TLR3: variants seen among roughly 807,000 people sequenced by gnomAD.
TLR3 encodes the protein toll like receptor 3.
A neutral mutation model predicts 66.4 loss-of-function variants in TLR3; 43 were observed. That is an observed-to-expected ratio of 0.65 (90% CI 0.51 to 0.83). TLR3 has a LOEUF of 0.83. Among genes scored for constraint, TLR3 ranks in the 40% least tolerant of loss-of-function variants. TLR3 has a pLI of 0.00. For synonymous variants in TLR3, 397 were observed against 397.2 expected, an observed-to-expected ratio of 1.00 and a Z score of 0.01; for missense variants, 982 against 1,044.6, an observed-to-expected ratio of 0.94 and a Z score of 0.83.
chr4:186,080,302 A>C (rs1725213635), intron 3 of TLR3, among the ~76,000 whole-genome samples: 1 of 151,954 alleles, frequency 6.6e-6, no homozygotes, highest in South Asian at 2.1e-4. Context: ...TGATTAAGAC[A>C]TTTATTGTAG....
At chr4:186,073,451 TG>T (rs1441886343) in intron 1 of TLR3, among the ~76,000 whole-genome samples, 2 of 150,978 alleles carry the variant, frequency 1.3e-5, no homozygotes, top group Admixed American at 1.3e-4. Context: ...ACCCAGGAGG[TG>T]GAGACTGCAG....
In TLR3 at chr4:186,084,792, C is replaced by G; in HGVS notation, c.2634C>G (p.Asn878Lys). The G allele has an allele frequency of 3.1e-6, 5 of 1,614,076 alleles. No homozygotes were observed. The highest frequency in any genetic ancestry group is 3.4e-6 in the Non-Finnish European group (4 of 1,180,008). ...RGMFKSHCILNWPVQKERIGA... is the reference protein window; with the variant it reads ...RGMFKSHCILKWPVQKERIGA... ...TGTTTAAATCTCACTGCATCTTGAA[C>G]TGGCCAGTTCAGAAAGAACGGATAG... is the stretch of plus-strand genomic sequence containing the variant. Residue 878 changes from asparagine to lysine, a missense_variant, in exon 5 of 5, where the codon AAC becomes AAG. Coordinates refer to ENST00000296795, the MANE Select transcript of TLR3 (RefSeq NM_003265.3).
chr4:186,084,991 A>G lies in TLR3; in HGVS notation c.*118A>G, dbSNP rs2099304137. On this transcript the variant is annotated 3_prime_UTR_variant, in exon 5 of 5. Coordinates refer to ENST00000296795, the MANE Select transcript of TLR3 (RefSeq NM_003265.3). Reference sequence around the variant, plus strand: ...TGTTTATTCATATTTGTAAATGATTATATTCTATCACAATTACATCTCTTC... The same window carrying G: ...TGTTTATTCATATTTGTAAATGATTGTATTCTATCACAATTACATCTCTTC... 1.2e-6 allele frequency: 1 copy of G among 806,486 alleles called. No individual in the cohort carries two copies. The highest frequency in any genetic ancestry group is 2.4e-5 in the Admixed American group (1 of 41,994). 50.0% of individuals were successfully genotyped at this position (806,486 alleles called of 1,614,324 possible). A position where few individuals can be genotyped will look rare whatever the true frequency, so the allele number is the denominator to read the frequency against.
At chr4:186,073,881 A>G (rs2099301952) in intron 1 of TLR3, among the ~76,000 whole-genome samples, 1 of 151,000 alleles carries the variant, frequency 6.6e-6, no homozygotes, top group African/African-American at 2.4e-5. Flanking sequence ...ACACAATAAT[A>G]AACAGGAAAC....
chr4:186,082,078 A>C, intron 3 of TLR3: 1 of 508,504 alleles, frequency 2.0e-6, no homozygotes, highest in South Asian at 2.3e-5. Flanking sequence ...TACAAAACTT[A>C]GCTGGACGTG....
At chr4:186,069,423 G>A (rs752829886) in intron 1 of TLR3, among the ~76,000 whole-genome samples, 175 bp downstream of exon 1, 2 of 152,136 alleles carry the variant, frequency 1.3e-5, no homozygotes, top group Non-Finnish European at 2.9e-5. Context: ...TATGATATGG[G>A]CATGGGAGAA....
Position 186,085,556 on chromosome 4 carries a change from T to C in TLR3, c.*683T>C, listed in dbSNP as rs986273387. On this transcript the variant is annotated 3_prime_UTR_variant, in exon 5 of 5. Coordinates refer to ENST00000296795, the MANE Select transcript of TLR3 (RefSeq NM_003265.3). ...GAAACAATTCTCTTACTAAAAGTAT[T>C]GTAGGCAGGCTTGCTTTCTGAAGGC... 6.6e-6 allele frequency: 1 copy of C among 152,356 alleles called. No individual in the cohort carries two copies. Among genetic ancestry groups the C allele is most frequent in the Non-Finnish European group, 1.5e-5 (1 of 68,146 alleles). 9.4% of individuals were successfully genotyped at this position (152,356 alleles called of 1,614,324 possible). A position where few individuals can be genotyped will look rare whatever the true frequency, so the allele number is the denominator to read the frequency against.
At position 186,075,943 on chromosome 4, in the gene TLR3, C is replaced by T. The variant is rs899566936; in HGVS notation, c.-7-670C>T. Among the ~76,000 whole-genome samples the T allele has an allele frequency of 2.6e-5, 4 of 152,152 alleles. No homozygotes were observed. In the South Asian group the frequency reaches 6.2e-4, roughly 24 times the overall value. ...GGCTGAAGTGGGCAGATCATGAAGT[C>T]AAGAGATCGAGACCATCCTGGCCAA... On this transcript the variant is annotated intron_variant, in intron 1 of 4. Coordinates refer to ENST00000296795, the MANE Select transcript of TLR3 (RefSeq NM_003265.3).
intron 3 of TLR3, among the ~76,000 whole-genome samples, chr4:186,079,857 G>A (rs1000815483): frequency 2.0e-5 from 3 of 152,228 alleles, no homozygotes; most frequent in Non-Finnish European, 4.4e-5. Context: ...ACAAAGGCTT[G>A]CTGGGGATTT....
chr4:186,080,449 T>C (rs1303680221), intron 3 of TLR3, among the ~76,000 whole-genome samples: 9 of 152,076 alleles, frequency 5.9e-5, no homozygotes, highest in African/African-American at 2.2e-4. Flanking sequence ...TCCAAATAAT[T>C]ATAAGGAAAA....
intron 1 of TLR3, among the ~76,000 whole-genome samples, chr4:186,070,725 G>A (rs1376678205): frequency 6.6e-6 from 1 of 150,708 alleles, no homozygotes; most frequent in African/African-American, 2.4e-5. Context: ...TTTTTTAGAG[G>A]TAAGGTCTTG....
chr4:186,082,625 G>C lies in TLR3; in HGVS notation c.939G>C (p.Leu313Phe), dbSNP rs745576711. 1.2e-6 allele frequency: 2 copies of C among 1,614,080 alleles called. No individual in the cohort carries two copies. The highest frequency in any genetic ancestry group is 1.7e-6 in the Non-Finnish European group (2 of 1,180,010). Reference sequence around the variant, plus strand: ...TAGAGTATAATAATATACAGCATTTGTTTTCTCACTCTTTGCACGGGCTTT... The same window carrying C: ...TAGAGTATAATAATATACAGCATTTCTTTTCTCACTCTTTGCACGGGCTTT... ...FFLEYNNIQH[L>F]FSHSLHGLFN... Residue 313 changes from leucine to phenylalanine, a missense_variant, in exon 4 of 5, where the codon TTG becomes TTC. Leu to Phe is a conservative substitution (Grantham distance 22). This residue lies in a region of TLR3 where 666 missense variants were observed against 709.0 expected (regional missense o/e 0.94). Coordinates refer to ENST00000296795, the MANE Select transcript of TLR3 (RefSeq NM_003265.3).
In TLR3 at chr4:186,084,026, A is replaced by C. The variant is rs1271155817; in HGVS notation, c.2340A>C (p.Glu780Asp). 1 of 1,614,202 alleles carries C rather than the reference A, an allele frequency of 6.2e-7. No individual in the cohort carries two copies. The highest frequency in any genetic ancestry group is 8.5e-7 in the Non-Finnish European group (1 of 1,180,030). The change falls in exon 4 of 5, where the codon GAA becomes GAC. Residue 780 changes from glutamate to aspartate, a missense_variant. Glu to Asp is a conservative substitution (Grantham distance 45). Coordinates refer to ENST00000296795, the MANE Select transcript of TLR3 (RefSeq NM_003265.3). ...AACATTTCTCTTCAATGGAAAAGGA[A>C]GACCAATCTCTCAAATTTTGTCTGG... is the stretch of plus-strand genomic sequence containing the variant. The part of the protein sequence containing the change: ...VWEHFSSMEK[E>D]DQSLKFCLEE...
In TLR3 at chr4:186,082,660, G is replaced by C. The variant is rs1411156074; in HGVS notation, c.974G>C (p.Arg325Thr). Residue 325 changes from arginine (R) to threonine (T), a missense_variant, in exon 4 of 5, where the codon AGG (arginine) becomes ACG (threonine). Arg to Thr is a moderately conservative substitution (Grantham distance 71). Coordinates refer to ENST00000296795, the MANE Select transcript of TLR3 (RefSeq NM_003265.3). ...TCTTTGCACGGGCTTTTCAATGTGAGGTACCTGAATTTGAAACGGTCTTTT... is the reference window on the plus strand; with the variant it reads ...TCTTTGCACGGGCTTTTCAATGTGACGTACCTGAATTTGAAACGGTCTTTT... ...SHSLHGLFNV[R>T]YLNLKRSFTK... The C allele has an allele frequency of 6.2e-7, 1 of 1,613,862 alleles. No individual in the cohort carries two copies. Among genetic ancestry groups the C allele is most frequent in the Non-Finnish European group, 8.5e-7 (1 of 1,179,856 alleles).
At position 186,083,835 on chromosome 4, in the gene TLR3, A is replaced by G. The variant is rs1212841808; in HGVS notation, c.2149A>G (p.Ile717Val). Residue 717 changes from isoleucine to valine, a missense_variant, in exon 4 of 5, where the codon ATC becomes GTC. Ile to Val is a conservative substitution (Grantham distance 29). This residue lies in a region of TLR3 where 666 missense variants were observed against 709.0 expected (regional missense o/e 0.94). Transcript: ENST00000296795. This position sits in a 1 kb window ranked among gnomAD's most constrained non-coding sequence, Gnocchi z 4.0. Reference sequence around the variant, plus strand: ...CAATACCAGTATCCTGTTGATTTTTATCTTTATTGTACTTCTCATCCACTT... The same window carrying G: ...CAATACCAGTATCCTGTTGATTTTTGTCTTTATTGTACTTCTCATCCACTT... ...MINTSILLIF[I>V]FIVLLIHFEG... 1.9e-6 allele frequency: 3 copies of G among 1,613,850 alleles called. No individual in the cohort carries two copies. The highest frequency in any genetic ancestry group is 1.7e-5 in the Admixed American group (1 of 59,970).
rs1453018524 is a variant in TLR3 at position 186,086,698 on chromosome 4, A to G, written c.*1825A>G. On this transcript the variant is annotated 3_prime_UTR_variant, in exon 5 of 5. Transcript: ENST00000296795. ...CTCAAATATTCATAAGATATTTTAAATAAATCATTGTGAATTAGTCAATAT... is the reference window on the plus strand; with the variant it reads ...CTCAAATATTCATAAGATATTTTAAGTAAATCATTGTGAATTAGTCAATAT... 2 of 152,160 alleles carry G rather than the reference A, an allele frequency of 1.3e-5. No homozygotes were observed. The highest frequency in any genetic ancestry group is 3.8e-4 in the East Asian group (2 of 5,206). The allele number at this position is 152,160 out of a possible 1,614,324, so 9.4% of individuals were successfully genotyped here. A position where few individuals can be genotyped will look rare whatever the true frequency, so the allele number is the denominator to read the frequency against.
rs1044583997 is a variant in TLR3 at position 186,085,090 on chromosome 4, A to G, written c.*217A>G. Reference sequence around the variant, plus strand: ...AATTTTACCCAAAATAAAACATATAAGCACGTAAGAACATTGTCTACTGAT... The same window carrying G: ...AATTTTACCCAAAATAAAACATATAGGCACGTAAGAACATTGTCTACTGAT... On this transcript the variant is annotated 3_prime_UTR_variant, in exon 5 of 5. Coordinates refer to ENST00000296795, the MANE Select transcript of TLR3 (RefSeq NM_003265.3). 4.6e-5 allele frequency: 26 copies of G among 565,442 alleles called. No individual in the cohort carries two copies. Among genetic ancestry groups the G allele is most frequent in the Non-Finnish European group, 6.2e-5 (20 of 320,818 alleles). 35.0% of individuals were successfully genotyped at this position (565,442 alleles called of 1,614,324 possible).
chr4:186,082,023 A>G (rs2310393), intron 3 of TLR3: 294,688 of 358,278 alleles, frequency 0.82, 122,064 homozygotes, highest in East Asian at 0.9. Flanking sequence ...TCAGGAGTTC[A>G]AGACCAGCCT....
rs1270068692 is a variant in TLR3 at position 186,085,711 on chromosome 4, A to G, written c.*838A>G. On this transcript the variant is annotated 3_prime_UTR_variant, in exon 5 of 5. Transcript: ENST00000296795. ...CTGATCTTGAAAATTATGATAATAA[A>G]TGCATCTTAGATATTCCTATGTAAT... 6.6e-6 allele frequency: 1 copy of G among 152,256 alleles called. No individual in the cohort carries two copies. The highest frequency in any genetic ancestry group is 1.5e-5 in the Non-Finnish European group (1 of 68,054). The allele number at this position is 152,256 out of a possible 1,614,324, so 9.4% of individuals were successfully genotyped here.
Sources: gnomAD v4.1 joint callset for allele counts (sites outside exome capture counted in the v4.1 genomes callset) on GRCh38, gnomAD v4.1.1 for gene constraint, gnomAD v4.1.1 regional missense constraint, Gnocchi (gnomAD v3.1) non-coding constraint, MANE v1.5 for transcripts, NCBI Gene and HGNC (gene_info 2026-07-23, HGNC 2026-07-21) for gene names.